The following CDC16 variants were observed in gnomAD, a reference collection of about 807,000 sequenced individuals.
CDC16 encodes the protein cell division cycle 16, also known as cell division cycle protein 16 homolog.
Under a neutral mutation model 87.0 loss-of-function variants are expected in CDC16, and 34 were observed. The observed-to-expected ratio is 0.39, with a 90% CI of 0.30 to 0.52. The LOEUF (loss-of-function observed/expected upper bound fraction) is 0.52, where lower values mean the gene tolerates loss of function less well. Among genes scored for constraint, CDC16 ranks in the 20% least tolerant of loss-of-function variants. The pLI is 0.74. For missense variants in CDC16, 653 were observed against 751.9 expected, an observed-to-expected ratio of 0.87 and a Z score of 1.54; for synonymous variants, 263 against 260.6, an observed-to-expected ratio of 1.01 and a Z score of -0.09.
At chr13:114,262,784 C>A in intron 15 of CDC16, 95 bp from the exon 16 acceptor site, 1 of 1,220,984 alleles carries the variant, frequency 8.2e-7, no homozygotes, top group Non-Finnish European at 1.2e-6. Flanking sequence ...CTCATTGAGA[C>A]AGCGTTTCTT....
intron 17 of CDC16, among the ~76,000 whole-genome samples, chr13:114,269,586 C>T (rs1160980529): frequency 2.0e-5 from 3 of 152,186 alleles, no homozygotes; most frequent in Admixed American, 6.5e-5. Flanking sequence ...ATGACTCAAA[C>T]GTCCACCAGT....
intron 17 of CDC16, among the ~76,000 whole-genome samples, chr13:114,268,807 C>T (rs2083414108): frequency 6.6e-6 from 1 of 152,136 alleles, no homozygotes; most frequent in South Asian, 2.1e-4. Context: ...AGTGAAAACC[C>T]TGTCTCAAAA....
At chr13:114,260,863 C>G (rs1460414350) in intron 14 of CDC16, among the ~76,000 whole-genome samples, 1 of 152,180 alleles carries the variant, frequency 6.6e-6, no homozygotes, top group Non-Finnish European at 1.5e-5. Flanking sequence ...CAGGTCTGTT[C>G]ATTCATTTAG....
intron 12 of CDC16, among the ~76,000 whole-genome samples, chr13:114,250,994 CTT>C (rs2082141497): frequency 6.6e-6 from 1 of 152,178 alleles, no homozygotes; most frequent in South Asian, 2.1e-4. Context: ...ATTATTATAT[CTT>C]ATCTATTACC....
At chr13:114,263,277 G>T (rs2082963463) in intron 16 of CDC16, among the ~76,000 whole-genome samples, 1 of 152,196 alleles carries the variant, frequency 6.6e-6, no homozygotes, top group African/African-American at 2.4e-5. Flanking sequence ...TGAGTGCTGA[G>T]CACGGGGTTA....
chr13:114,262,381 C>T (rs1457104895), intron 15 of CDC16, among the ~76,000 whole-genome samples: 5 of 152,274 alleles, frequency 3.3e-5, no homozygotes, highest in South Asian at 2.1e-4. Context: ...CTATGTATTA[C>T]GAACTTATAG....
intron 6 of CDC16, chr13:114,242,596 A>C (rs1010565186): frequency 4.2e-6 from 1 of 239,318 alleles, no homozygotes; most frequent in African/African-American, 2.3e-5. Context: ...GGGAAGACAG[A>C]GAAACATCCA....
At position 114,272,397 on chromosome 13, in the gene CDC16, A is replaced by G. The variant is rs1447121578; in HGVS notation, c.1817A>G (p.Glu606Gly). ...GAAACCTTTGAAATTGAAATGAATG[A>G]AAGTGACATGATGTTAGAGACATCT... ...LEETFEIEMN[E>G]SDMMLETSMS... Residue 606 changes from glutamate to glycine, a missense_variant, in exon 18 of 18, where the codon GAA (glutamate) becomes GGA (glycine). Coordinates refer to ENST00000356221, the MANE Select transcript of CDC16 (RefSeq NM_001078645.3). 4.3e-6 allele frequency: 7 copies of G among 1,614,146 alleles called. No homozygotes were observed. The South Asian group carries it at 7.7e-5, about 18-fold the overall frequency.
intron 13 of CDC16, 121 bp downstream of exon 13, chr13:114,257,351 T>G: frequency 4.6e-6 from 3 of 645,380 alleles, no homozygotes; most frequent in Non-Finnish European, 7.5e-6. Flanking sequence ...AATGTTCTAT[T>G]TTAGGAGAAG....
intron 6 of CDC16, 138 bp downstream of exon 6, chr13:114,242,418 A>G (rs76034041): frequency 1.3e-6 from 1 of 743,080 alleles, no homozygotes; most frequent in African/African-American, 1.8e-5. Context: ...AATGTCTTCA[A>G]ATGTAAAGCA....
chr13:114,270,033 G>A (rs78021473), intron 17 of CDC16, among the ~76,000 whole-genome samples: 3,725 of 152,282 alleles, frequency 0.024, 158 homozygotes, highest in African/African-American at 0.085. Flanking sequence ...ACAAAAATGT[G>A]AATATGTACT....
intron 17 of CDC16, among the ~76,000 whole-genome samples, chr13:114,270,207 G>C (rs909752817): frequency 3.3e-5 from 5 of 152,094 alleles, no homozygotes; most frequent in Non-Finnish European, 1.5e-5. Flanking sequence ...CTTCCGGGGA[G>C]GCCTCAGGAA....
chr13:114,270,495 A>G (rs2139225698), intron 17 of CDC16, among the ~76,000 whole-genome samples: 1 of 152,290 alleles, frequency 6.6e-6, no homozygotes, highest in East Asian at 1.9e-4. Flanking sequence ...AATGAACAAA[A>G]CTAATTGGTA....
chr13:114,237,721 T>C (rs2081324927), intron 3 of CDC16, among the ~76,000 whole-genome samples: 1 of 152,226 alleles, frequency 6.6e-6, no homozygotes, highest in South Asian at 2.1e-4. Flanking sequence ...ATCATGGATA[T>C]TCCTCTTCCT....
intron 14 of CDC16, among the ~76,000 whole-genome samples, chr13:114,260,611 C>A (rs1047169869): frequency 2.6e-5 from 4 of 152,146 alleles, no homozygotes; most frequent in African/African-American, 9.7e-5. Context: ...GATTAAGGGG[C>A]ACTAAATTTA....
chr13:114,247,028 C>G, intron 11 of CDC16, 24 bp downstream of exon 11: 2 of 1,455,054 alleles, frequency 1.4e-6, no homozygotes, highest in South Asian at 1.1e-5. Context: ...TTTTTCCTCT[C>G]TAGTTAACCT....
intron 14 of CDC16, among the ~76,000 whole-genome samples, chr13:114,261,314 C>T (rs771284560): frequency 3.9e-5 from 6 of 151,970 alleles, no homozygotes; most frequent in Admixed American, 6.6e-5. Context: ...GGAAACAACC[C>T]GGTCAGACTT....
intron 14 of CDC16, among the ~76,000 whole-genome samples, chr13:114,260,919 T>A (rs1334422102): frequency 1.3e-5 from 2 of 152,220 alleles, no homozygotes; most frequent in African/African-American, 4.8e-5. Context: ...GGCTCTGAGC[T>A]AGGCCTTGGG....
rs17291201 is a variant in CDC16, at chr13:114,245,777, C to A, written c.848-223C>A. 235 of 467,692 alleles carry A rather than the reference C, an allele frequency of 5.0e-4. 1 individual carries two copies. The highest frequency in any genetic ancestry group is 4.7e-3 in the African/African-American group (228 of 48,638). The allele number at this position is 467,692 out of a possible 1,614,324, so 29.0% of individuals were successfully genotyped here. On this transcript the variant is annotated intron_variant, in intron 9 of 17. Transcript: ENST00000356221. ...GCTTTGCTGTATCCTCTGCAGTATT[C>A]GGGAAGTGCTGTCTTAGGGGGTGTC...
Sources: allele counts gnomAD v4.1 joint callset (sites outside exome capture counted in the v4.1 genomes callset), GRCh38; gene constraint gnomAD v4.1.1; transcripts MANE v1.5; gene names NCBI Gene and HGNC (gene_info 2026-07-23, HGNC 2026-07-21).